Variants in RNF17 observed in about 807,000 individuals in gnomAD.
The protein encoded by RNF17 is ring finger protein 17.
A neutral mutation model predicts 200.5 loss-of-function variants in RNF17; 31 were observed. The observed-to-expected ratio is 0.15, with a 90% CI of 0.12 to 0.21. RNF17 has a LOEUF of 0.21. Ranked by LOEUF, RNF17 falls within the 10% of genes least tolerant of loss-of-function variation. RNF17 has a pLI of 1.00. For missense variants in RNF17, 1,628 were observed against 1,905.1 expected, an observed-to-expected ratio of 0.85 and a Z score of 2.71; for synonymous variants, 606 against 637.8, an observed-to-expected ratio of 0.95 and a Z score of 0.75.
At position 24,864,904 on chromosome 13, in the gene RNF17, C is replaced by G; in HGVS notation, c.4007C>G (p.Ser1336Cys). The change falls in exon 29 of 36, where the codon TCT (serine) becomes TGT (cysteine). Residue 1336 changes from serine to cysteine, a missense_variant. Transcript: ENST00000255324. ...ELPKNPWEKL[S>C]IHLYFDGMSL... Reference sequence around the variant, plus strand: ...CCTAAAAATCCATGGGAGAAATTGTCTATTCACCTCTATTTTGATGGAATG... The same window carrying G: ...CCTAAAAATCCATGGGAGAAATTGTGTATTCACCTCTATTTTGATGGAATG... 2.6e-6 allele frequency: 4 copies of G among 1,557,890 alleles called. No homozygotes were observed. The highest frequency in any genetic ancestry group is 3.5e-6 in the Non-Finnish European group (4 of 1,140,332).
At chr13:24,781,386 C>A (rs12429672) in intron 5 of RNF17, among the ~76,000 whole-genome samples, 18,799 of 151,954 alleles carry the variant, frequency 0.12, 1,276 homozygotes, top group Admixed American at 0.15. Flanking sequence ...AATCCCAGTG[C>A]TTTGGGAGGC....
chr13:24,758,427 A>G, the RNF17 span, among the ~76,000 whole-genome samples: 2 of 152,216 alleles, frequency 1.3e-5, no homozygotes, highest in African/African-American at 4.8e-5. Context: ...TATCTGAAAA[A>G]CATATATTTA....
At chr13:24,811,024 G>A (rs1309038221) in intron 15 of RNF17, among the ~76,000 whole-genome samples, 1 of 151,504 alleles carries the variant, frequency 6.6e-6, no homozygotes, top group Non-Finnish European at 1.5e-5. Context: ...GTTAGTCTGA[G>A]GGGCTTCCCT....
rs147811695 is a variant in RNF17, at chr13:24,796,995, G to A, written c.1399+700G>A. On this transcript the variant is annotated intron_variant, in intron 11 of 35. Transcript: ENST00000255324. ...AGTATGATTAACTCTCAGCTCATCT[G>A]TGTAACTTTTCAGAATATCAGAAGA... Among the ~76,000 whole-genome samples the A allele has an allele frequency of 3.3e-3, 509 of 152,288 alleles. 3 individuals carry two copies. The highest frequency in any genetic ancestry group is 5.1e-3 in the Non-Finnish European group (344 of 68,004).
intron 2 of RNF17, among the ~76,000 whole-genome samples, chr13:24,770,424 A>G (rs546799521): frequency 6.6e-6 from 1 of 152,196 alleles, no homozygotes; most frequent in South Asian, 2.1e-4. Context: ...AGTTGTATTT[A>G]ATACTTTCTT....
intron 3 of RNF17, 29 bp downstream of exon 3, chr13:24,774,933 T>C: frequency 7.3e-7 from 1 of 1,376,888 alleles, no homozygotes; most frequent in Non-Finnish European, 1.0e-6. Flanking sequence ...TATTTGAGTA[T>C]TTAAAGTCAA....
chr13:24,766,035 CTAGGCAACATGGTGAAA>C (rs1035756862), intron 1 of RNF17, among the ~76,000 whole-genome samples: 21 of 152,172 alleles, frequency 1.4e-4, no homozygotes, highest in Non-Finnish European at 2.8e-4. Flanking sequence ...CAAGACCAGC[CTAGGCAACATGGTGAAA>C]TCCCATCTCT....
At chr13:24,767,986 C>T (rs78958704) in intron 2 of RNF17, among the ~76,000 whole-genome samples, 202 of 152,120 alleles carry the variant, frequency 1.3e-3, no homozygotes, top group Non-Finnish European at 2.3e-3. Flanking sequence ...AAAACCCTAG[C>T]CCCTGTTTTA....
chr13:24,826,180 C>A, intron 16 of RNF17: 1 of 708,324 alleles, frequency 1.4e-6, no homozygotes, highest in Non-Finnish European at 1.7e-6. Context: ...GAATTATTGA[C>A]TGAACTGCTA....
intron 2 of RNF17, among the ~76,000 whole-genome samples, chr13:24,772,448 GTTC>G: frequency 2.1e-5 from 1 of 48,522 alleles, no homozygotes. Context: ...TTTTTTTTTT[GTTC>G]TTGTTTTATG....
intron 25 of RNF17, 40 bp from the exon 26 acceptor site, chr13:24,858,961 A>ATT: frequency 7.7e-7 from 1 of 1,297,510 alleles, no homozygotes; most frequent in Admixed American, 2.2e-5. Flanking sequence ...ATGATAGGGA[A>ATT]TTTTCCTTAA....
intron 30 of RNF17, among the ~76,000 whole-genome samples, chr13:24,866,675 G>A (rs572244563): frequency 6.6e-6 from 1 of 152,296 alleles, no homozygotes; most frequent in East Asian, 1.9e-4. Context: ...TTCATCTGTT[G>A]ATAGACACAT....
downstream of RNF17, chr13:24,883,969 A>ACTC: frequency 6.2e-7 from 1 of 1,614,098 alleles, no homozygotes; most frequent in Non-Finnish European, 8.5e-7. Flanking sequence ...ATACCGTTGT[A>ACTC]CTCTGACAAT....
chr13:24,776,710 A>G (rs1304282270), intron 3 of RNF17, among the ~76,000 whole-genome samples: 1 of 152,356 alleles, frequency 6.6e-6, no homozygotes, highest in Non-Finnish European at 1.5e-5. Context: ...GAGTTTAAAC[A>G]ATGAGTGGTG....
downstream of RNF17, among the ~76,000 whole-genome samples, chr13:24,883,599 G>C (rs2138524743): frequency 6.6e-6 from 1 of 152,216 alleles, no homozygotes; most frequent in East Asian, 1.9e-4. Flanking sequence ...AAAATGCTTA[G>C]TAACTTTTTT....
intron 31 of RNF17, 136 bp from the exon 32 acceptor site, chr13:24,870,435 T>C (rs1894133855): frequency 3.1e-6 from 2 of 639,876 alleles, no homozygotes; most frequent in South Asian, 3.9e-5. Context: ...TGGGAAGGAA[T>C]AGGAGGTGAA....
chr13:24,856,140 G>A (rs1483230176), intron 25 of RNF17, among the ~76,000 whole-genome samples: 1 of 151,916 alleles, frequency 6.6e-6, no homozygotes, highest in Non-Finnish European at 1.5e-5. Flanking sequence ...CCTTTCTTGG[G>A]CCAGGCGCAG....
chr13:24,766,726 A>G (rs1401395117), intron 1 of RNF17, among the ~76,000 whole-genome samples: 2 of 152,236 alleles, frequency 1.3e-5, no homozygotes, highest in Non-Finnish European at 2.9e-5. Context: ...CCAAAATGCT[A>G]TTTCATCTCC....
the RNF17 span, chr13:24,885,678 A>T: frequency 6.2e-7 from 1 of 1,606,090 alleles, no homozygotes; most frequent in East Asian, 2.2e-5. Context: ...TGCCTATTAG[A>T]ATAAAATTGT....
Sources: gnomAD v4.1 joint callset for allele counts (sites outside exome capture counted in the v4.1 genomes callset) on GRCh38, gnomAD v4.1.1 for gene constraint, MANE v1.5 for transcripts, NCBI Gene and HGNC (gene_info 2026-07-23, HGNC 2026-07-21) for gene names.